The following KLK6 variants were observed in gnomAD, a reference collection of about 807,000 sequenced individuals.
The protein encoded by KLK6 is kallikrein-6.
A neutral mutation model predicts 21.7 loss-of-function variants in KLK6; 16 were observed. The observed-to-expected ratio is 0.74, with a 90% CI of 0.50 to 1.12. The LOEUF is 1.12. Among genes scored for constraint, KLK6 ranks in the 50% most tolerant of loss-of-function variants. The pLI is 0.00. For synonymous variants in KLK6, 116 were observed against 120.1 expected (o/e 0.97, Z 0.22); for missense variants, 276 against 304.6 (o/e 0.91, Z 0.70).
intron 1 of KLK6, among the ~76,000 whole-genome samples, chr19:50,969,242 G>A (rs574844030): frequency 6.6e-6 from 1 of 152,096 alleles, no homozygotes; most frequent in Admixed American, 6.5e-5. Context: ...GGAGGGGCTG[G>A]GGCCTGAATC....
At chr19:50,964,343 C>T (rs2090893760) in intron 4 of KLK6, among the ~76,000 whole-genome samples, 1 of 152,156 alleles carries the variant, frequency 6.6e-6, no homozygotes. Flanking sequence ...CTTTCTGTTC[C>T]ACCAGAGAAC....
intron 6 of KLK6, among the ~76,000 whole-genome samples, chr19:50,960,861 G>A (rs1251379800): frequency 1.3e-5 from 2 of 152,140 alleles, no homozygotes; most frequent in East Asian, 1.9e-4. Context: ...CCGCCTCCAG[G>A]TTCAAGTGAT....
rs780618962 is a variant in KLK6, at chr19:50,961,768, C to G, written c.558G>C (p.Glu186Asp). 42 of 1,613,860 alleles carry G rather than the reference C, an allele frequency of 2.6e-5. No individual in the cohort carries two copies. The South Asian group carries it at 4.5e-4, about 17-fold the overall frequency. ...CCTGGCAGGAATCCTTCCCGTACTT[C>G]TCATCCCCAGCACACAACATGTTCT... is the stretch of plus-strand genomic sequence containing the variant. The part of the protein sequence containing the change: ...ITQNMLCAGD[E>D]KYGKDSCQGD... Residue 186 changes from glutamate (E) to aspartate (D), a missense_variant, in exon 6 of 7, where the codon GAG (glutamate) becomes GAC (aspartate). Coordinates refer to ENST00000310157, the MANE Select transcript of KLK6 (RefSeq NM_002774.4).
chr19:50,961,625 T>C (rs2090841291), intron 6 of KLK6, 119 bp downstream of exon 6: 2 of 1,236,528 alleles, frequency 1.6e-6, no homozygotes, highest in Non-Finnish European at 1.1e-6. Flanking sequence ...TCAGCCTGTC[T>C]CTATCTGTCT....
rs760335387 is a variant in KLK6, at chr19:50,968,079, C to T, written c.26G>A (p.Ser9Asn). The T allele has an allele frequency of 7.4e-6, 12 of 1,613,944 alleles. No homozygotes were observed. The South Asian group carries it at 1.2e-4, about 16-fold the overall frequency. The change falls in exon 3 of 7, where the codon AGT (serine) becomes AAT (asparagine). Residue 9 changes from serine (S) to asparagine (N), a missense_variant. By Grantham distance (46) the Ser-to-Asn change is conservative. Transcript: ENST00000310157. MKKLMVVL[S>N]LIAAAWAEEQ... ...CCTTTCCCCACCTGCAGCAATCAGA[C>T]TCAGCACCACCATCAGCTTCTTCAT... is the stretch of plus-strand genomic sequence containing the variant.
At chr19:50,968,000 C>T in intron 3 of KLK6, 65 bp downstream of exon 3, 1 of 1,452,580 alleles carries the variant, frequency 6.9e-7, no homozygotes, top group South Asian at 1.1e-5. Context: ...CAATACCAGC[C>T]TCTTCTCCAT....
chr19:50,967,917 C>A (rs1464310602), intron 3 of KLK6, 148 bp downstream of exon 3: 12 of 665,982 alleles, frequency 1.8e-5, no homozygotes, highest in Non-Finnish European at 3.0e-5. Context: ...GTATTCCCCA[C>A]CCTTAGCCTA....
chr19:50,967,511 C>CTACACACA (rs1555781647), intron 3 of KLK6, among the ~76,000 whole-genome samples, 186 bp from the exon 4 acceptor site: 2 of 125,478 alleles, frequency 1.6e-5, no homozygotes, highest in Non-Finnish European at 3.2e-5. Flanking sequence ...GACCTCATCT[C>CTACACACA]CACACACACA....
chr19:50,964,942 C>A (rs1205744799), intron 4 of KLK6, among the ~76,000 whole-genome samples: 1 of 152,230 alleles, frequency 6.6e-6, no homozygotes, highest in African/African-American at 2.4e-5. Flanking sequence ...AGCCTTTCCT[C>A]TGCCCTGAAC....
In KLK6 at chr19:50,958,968, C is replaced by G. The variant is rs774938723; in HGVS notation, c.*196G>C. The G allele has an allele frequency of 1.6e-6, 1 of 627,798 alleles. No homozygotes were observed. The highest frequency in any genetic ancestry group is 2.8e-6 in the Non-Finnish European group (1 of 351,076). The allele number at this position is 627,798 out of a possible 1,614,324, so 38.9% of individuals were successfully genotyped here. A position where few individuals can be genotyped will look rare whatever the true frequency, so the allele number is the denominator to read the frequency against. On this transcript the variant is annotated 3_prime_UTR_variant, in exon 7 of 7. Coordinates refer to ENST00000310157, the MANE Select transcript of KLK6 (RefSeq NM_002774.4). ...AAGACCGAGGACCCAAGTCCTCACT[C>G]ATCACGTCCTCCCCAGTGATGCAAG... is the stretch of plus-strand genomic sequence containing the variant.
At chr19:50,960,407 G>A (rs1454596935) in intron 6 of KLK6, among the ~76,000 whole-genome samples, 1 of 152,008 alleles carries the variant, frequency 6.6e-6, no homozygotes, top group Non-Finnish European at 1.5e-5. Context: ...AGTCATTCTG[G>A]CATAAAGAGG....
At chr19:50,966,870 TGCCCATCAC>T (rs1319018729) in intron 4 of KLK6, among the ~76,000 whole-genome samples, 1 of 152,086 alleles carries the variant, frequency 6.6e-6, no homozygotes, top group Non-Finnish European at 1.5e-5. Context: ...TAAATCCAAA[TGCCCATCAC>T]GCCCTGCAGG....
At chr19:50,966,195 C>T (rs554393689) in intron 4 of KLK6, among the ~76,000 whole-genome samples, 6 of 152,268 alleles carry the variant, frequency 3.9e-5, no homozygotes, top group South Asian at 2.1e-4. Context: ...TGCCTACACC[C>T]GGCCTGTTTC....
chr19:50,960,098 G>A (rs1464456121), intron 6 of KLK6, among the ~76,000 whole-genome samples: 1 of 76,860 alleles, frequency 1.3e-5, no homozygotes, highest in Non-Finnish European at 2.6e-5. Context: ...GAGGAGGATG[G>A]GGAGGGGGAG....
rs577792048 is a variant in KLK6, at chr19:50,963,434, G to C, written c.313C>G (p.Gln105Glu). ...GCCAGGCGCAACAGCATGATGTCCT[G>C]GTCATGGCTGGCGGCATCATAGTCA... Reference protein sequence around the residue: ...HPDYDAASHDQDIMLLRLARP... With the variant: ...HPDYDAASHDEDIMLLRLARP... The change falls in exon 5 of 7, where the codon CAG becomes GAG. Residue 105 changes from glutamine to glutamate, a missense_variant. Transcript: ENST00000310157. The C allele has an allele frequency of 3.1e-6, 5 of 1,614,204 alleles. No individual in the cohort carries two copies. Among genetic ancestry groups the C allele is most frequent in the East Asian group, 4.5e-5 (2 of 44,886 alleles).
intron 5 of KLK6, 71 bp downstream of exon 5, chr19:50,963,231 C>G: frequency 1.9e-6 from 3 of 1,555,072 alleles, no homozygotes; most frequent in Non-Finnish European, 2.6e-6. Flanking sequence ...CCAATTTTCC[C>G]ACTCCCCATC....
At chr19:50,962,971 C>A (rs1375761992) in intron 5 of KLK6, among the ~76,000 whole-genome samples, 1 of 152,174 alleles carries the variant, frequency 6.6e-6, no homozygotes. Context: ...TTCAATGAAT[C>A]CTGATCAGTC....
intron 1 of KLK6, 140 bp from the exon 2 acceptor site, chr19:50,968,731 C>G (rs2090968056): frequency 6.4e-6 from 1 of 155,194 alleles, no homozygotes. Context: ...ACACACACCC[C>G]CAGCTCCCAG....
intron 3 of KLK6, among the ~76,000 whole-genome samples, chr19:50,967,704 CAA>C (rs35743049): frequency 9.6e-5 from 14 of 145,976 alleles, no homozygotes; most frequent in Admixed American, 3.4e-4. Context: ...GACCCTGTCT[CAA>C]AAAAAAAAAG....
Sources: allele counts gnomAD v4.1 joint callset (sites outside exome capture counted in the v4.1 genomes callset), GRCh38; gene constraint gnomAD v4.1.1; transcripts MANE v1.5; gene names NCBI Gene and HGNC (gene_info 2026-07-23, HGNC 2026-07-21).